Variants in DAAM1 observed in about 807,000 individuals in gnomAD.
The protein encoded by DAAM1 is dishevelled associated activator of morphogenesis 1.
A neutral mutation model predicts 130.0 loss-of-function variants in DAAM1; 52 were observed. The observed-to-expected ratio is 0.40, with a 90% CI of 0.32 to 0.50. DAAM1 has a LOEUF of 0.50. DAAM1 is among the 20% of genes least tolerant of loss of function. DAAM1 has a pLI of 0.61. For missense variants in DAAM1, 1,134 were observed against 1,303.8 expected, an observed-to-expected ratio of 0.87 and a Z score of 2.01; for synonymous variants, 452 against 444.5, an observed-to-expected ratio of 1.02 and a Z score of -0.21.
chr14:59,240,207 G>A lies in DAAM1; in HGVS notation c.-37-23234G>A, dbSNP rs560757825. ...GGTAGGGTTTATGTCCTTGCTGACC[G>A]CCCCCAGTTCTATGGATTTTTATTA... On this transcript the variant is annotated intron_variant, in intron 1 of 24. Transcript: ENST00000360909. Among the ~76,000 whole-genome samples, 8 of 152,220 alleles carry A rather than the reference G, an allele frequency of 5.3e-5. No homozygotes were observed. The South Asian group carries it at 6.2e-4, about 12-fold the overall frequency.
At chr14:59,210,889 T>C (rs1888406604) in intron 1 of DAAM1, among the ~76,000 whole-genome samples, 1 of 152,236 alleles carries the variant, frequency 6.6e-6, no homozygotes, top group Non-Finnish European at 1.5e-5. Context: ...AAGTTTATAT[T>C]ATAATGATTT....
intron 1 of DAAM1, among the ~76,000 whole-genome samples, chr14:59,262,696 GTGTA>G (rs1319818117): frequency 1.5e-5 from 2 of 129,708 alleles, no homozygotes; most frequent in African/African-American, 3.1e-5. Context: ...GTGTGTGTGT[GTGTA>G]ATTTAACCAT....
At chr14:59,295,226 C>A (rs554687564) in intron 3 of DAAM1, among the ~76,000 whole-genome samples, 1 of 152,268 alleles carries the variant, frequency 6.6e-6, no homozygotes, top group African/African-American at 2.4e-5. Flanking sequence ...GTTCATATTA[C>A]ATTTCTGTAT....
At chr14:59,253,864 A>G (rs529747989) in intron 1 of DAAM1, among the ~76,000 whole-genome samples, 214 of 152,334 alleles carry the variant, frequency 1.4e-3, no homozygotes, top group Non-Finnish European at 2.7e-3. Context: ...TCTTTAATCC[A>G]TAGTAAACTT....
chr14:59,216,159 T>A (rs1346711115), intron 1 of DAAM1, among the ~76,000 whole-genome samples: 1 of 152,148 alleles, frequency 6.6e-6, no homozygotes, highest in African/African-American at 2.4e-5. Flanking sequence ...TCCTCTGACT[T>A]CCCAGGGTCC....
intron 20 of DAAM1, among the ~76,000 whole-genome samples, chr14:59,357,631 A>G (rs1403495687): frequency 6.6e-6 from 1 of 152,168 alleles, no homozygotes; most frequent in Non-Finnish European, 1.5e-5. Context: ...AGAAAAAGTT[A>G]TCCAGGCGTG....
chr14:59,273,502 T>A (rs1206056941), intron 2 of DAAM1, among the ~76,000 whole-genome samples: 2 of 152,236 alleles, frequency 1.3e-5, no homozygotes, highest in Non-Finnish European at 2.9e-5. Flanking sequence ...CTATGGATCC[T>A]CTTGGTCCTG....
chr14:59,238,316 AC>A lies in DAAM1; in HGVS notation c.-37-25124del, dbSNP rs918481888. 3.0e-4 allele frequency among the ~76,000 whole-genome samples: 46 copies of A among 152,248 alleles called. 1 individual carries two copies. Among genetic ancestry groups the A allele is most frequent in the African/African-American group, 1.0e-3 (43 of 41,552 alleles). ...TCATATTTCCCTCTTTTCAAAAAAA[AC>A]GTCTGAGATCATCCTAATTGGAAGT... On this transcript the variant is annotated intron_variant, in intron 1 of 24. Coordinates refer to ENST00000360909, the MANE Select transcript of DAAM1 (RefSeq NM_001270520.2).
At chr14:59,237,809 CA>C (rs909729591) in intron 1 of DAAM1, among the ~76,000 whole-genome samples, 32 of 152,138 alleles carry the variant, frequency 2.1e-4, no homozygotes, top group African/African-American at 7.5e-4. Flanking sequence ...CTCACTTTTC[CA>C]GTGAGTCCCA....
intron 1 of DAAM1, among the ~76,000 whole-genome samples, chr14:59,199,700 A>G (rs1305853100): frequency 6.6e-6 from 1 of 152,196 alleles, no homozygotes; most frequent in Non-Finnish European, 1.5e-5. Context: ...GGGCTGGCAG[A>G]TGACCCATTT....
At position 59,286,425 on chromosome 14, in the gene DAAM1, A is replaced by G. The variant is rs565568773; in HGVS notation, c.184-4792A>G. On this transcript the variant is annotated intron_variant, in intron 2 of 24. Coordinates refer to ENST00000360909, the MANE Select transcript of DAAM1 (RefSeq NM_001270520.2). The stretch of plus-strand genomic sequence containing the variant: ...TAGCAGGAGAAAAGAAATAACCAAA[A>G]TCAGAGCTAAACTGAATGAAATTGA... Among the ~76,000 whole-genome samples, 47 of 152,138 alleles carry G rather than the reference A, an allele frequency of 3.1e-4. 1 individual carries two copies. Among genetic ancestry groups the G allele is most frequent in the Non-Finnish European group, 6.3e-4 (43 of 68,000 alleles).
intron 3 of DAAM1, chr14:59,299,687 G>A (rs570768712): frequency 6.6e-5 from 10 of 152,158 alleles, no homozygotes; most frequent in Admixed American, 6.5e-4. Context: ...GACTGAGAAA[G>A]TCACTATGCT....
intron 2 of DAAM1, among the ~76,000 whole-genome samples, chr14:59,285,607 G>A (rs1254820552): frequency 2.0e-5 from 3 of 152,066 alleles, no homozygotes; most frequent in Non-Finnish European, 4.4e-5. Context: ...AAACAAAAAA[G>A]AACATGGGTT....
Position 59,323,207 on chromosome 14 carries a change from C to A in DAAM1, c.756C>A (p.Ser252Arg), listed in dbSNP as rs141883625. The A allele has an allele frequency of 4.4e-6, 7 of 1,607,012 alleles. No individual in the cohort carries two copies. The highest frequency in any genetic ancestry group is 6.0e-6 in the Non-Finnish European group (7 of 1,175,550). The change falls in exon 6 of 25, where the codon AGC (serine) becomes AGA (arginine). Residue 252 changes from serine to arginine, a missense_variant. This residue lies in a region of DAAM1 where 391 missense variants were observed against 521.6 expected (regional missense o/e 0.75). Coordinates refer to ENST00000360909, the MANE Select transcript of DAAM1 (RefSeq NM_001270520.2). ...TGCTGCACTACCAGAAGTATGCCAG[C>A]GAAAGGACCCGCTTTCAGGTGGGTG... ...QAMLHYQKYA[S>R]ERTRFQTLIN...
At chr14:59,280,039 G>A (rs887937385) in intron 2 of DAAM1, among the ~76,000 whole-genome samples, 4 of 152,098 alleles carry the variant, frequency 2.6e-5, no homozygotes, top group East Asian at 1.9e-4. Flanking sequence ...CATTGAGATC[G>A]TACTTAACAG....
rs541825860 is a variant in DAAM1 at position 59,290,769 on chromosome 14, T to C, written c.184-448T>C. On this transcript the variant is annotated intron_variant, in intron 2 of 24. Transcript: ENST00000360909. ...TCTGTCACCACACTCGGCCTTTGTC[T>C]GTTTCTCCCCTCCTCATATCCAGGT... 9.8e-5 allele frequency among the ~76,000 whole-genome samples: 15 copies of C among 152,340 alleles called. No homozygotes were observed. In the East Asian group the frequency reaches 2.5e-3, roughly 25 times the overall value.
intron 23 of DAAM1, among the ~76,000 whole-genome samples, chr14:59,366,485 A>C (rs1594855166): frequency 6.6e-6 from 1 of 152,158 alleles, no homozygotes; most frequent in East Asian, 1.9e-4. Flanking sequence ...AAACTACTTC[A>C]AAGACAAGTT....
At chr14:59,263,071 G>A (rs1882250823) in intron 1 of DAAM1, among the ~76,000 whole-genome samples, 1 of 152,170 alleles carries the variant, frequency 6.6e-6, no homozygotes, top group African/African-American at 2.4e-5. Context: ...GATCTCCTAG[G>A]GGGCAAGGAA....
chr14:59,299,143 A>G (rs1884072742), intron 3 of DAAM1, among the ~76,000 whole-genome samples: 1 of 152,226 alleles, frequency 6.6e-6, no homozygotes, highest in South Asian at 2.1e-4. Context: ...AGGTATCTGC[A>G]TGTAGCTTTC....
Sources: allele counts gnomAD v4.1 joint callset (sites outside exome capture counted in the v4.1 genomes callset), GRCh38; gene constraint gnomAD v4.1.1; regional missense constraint gnomAD v4.1.1; transcripts MANE v1.5; gene names NCBI Gene and HGNC (gene_info 2026-07-23, HGNC 2026-07-21).